The following ABCF2 variants were observed in gnomAD, a reference collection of about 807,000 sequenced individuals.
The protein encoded by ABCF2 is ATP-binding cassette sub-family F member 2.
Under a neutral mutation model 76.9 loss-of-function variants are expected in ABCF2, and 37 were observed. That is an observed-to-expected ratio of 0.48 (90% CI 0.37 to 0.63). The LOEUF (loss-of-function observed/expected upper bound fraction) is 0.63. Among genes scored for constraint, ABCF2 ranks in the 30% least tolerant of loss-of-function variants. ABCF2 has a pLI of 0.00. For missense variants in ABCF2, 524 were observed against 782.1 expected (o/e 0.67, Z 3.94); for synonymous variants, 299 against 283.7 (o/e 1.05, Z -0.54).
At position 151,218,655 on chromosome 7, in the gene ABCF2, G is replaced by A. The variant is rs776033270; in HGVS notation, c.1138-5C>T. On this transcript the variant is annotated splice_region_variant and splice_polypyrimidine_tract_variant and intron_variant, in intron 9 of 14. Transcript: ENST00000287844. The stretch of plus-strand genomic sequence containing the variant: ...TGGGAAATAAAATGACAGTGTCTAG[G>A]AAGAAAAGAGGGCATTTATCAAGTT... 6.2e-7 allele frequency: 1 copy of A among 1,613,972 alleles called. No individual in the cohort carries two copies. The highest frequency in any genetic ancestry group is 2.2e-5 in the East Asian group (1 of 44,862).
chr7:151,211,653 A>C lies in ABCF2; in HGVS notation c.*2401T>G. On this transcript the variant is annotated 3_prime_UTR_variant, in exon 15 of 15. Coordinates refer to ENST00000287844, the MANE Select transcript of ABCF2 (RefSeq NM_007189.3). ...AGATCCCGAGACTACCTGAATTCTT[A>C]GCAATATCCAGCACTTCCTTAAGTA... 5 of 985,348 alleles carry C rather than the reference A, an allele frequency of 5.1e-6. No homozygotes were observed. The highest frequency in any genetic ancestry group is 6.0e-6 in the Non-Finnish European group (5 of 829,942). The allele number at this position is 985,348 out of a possible 1,614,324, so 61.0% of individuals were successfully genotyped here.
chr7:151,221,563 C>G lies in ABCF2; in HGVS notation c.921+15G>C, dbSNP rs760957417. 1 of 1,483,858 alleles carries G rather than the reference C, an allele frequency of 6.7e-7. No homozygotes were observed. Among genetic ancestry groups the G allele is most frequent in the East Asian group, 2.3e-5 (1 of 44,094 alleles). 91.9% of individuals were successfully genotyped at this position (1,483,858 alleles called of 1,614,324 possible). A position where few individuals can be genotyped will look rare whatever the true frequency, so the allele number is the denominator to read the frequency against. ...TATGCACAGAGATTACCAGAAGAAG[C>G]CGAGGCCCACTCACCGTATAATACT... On this transcript the variant is annotated intron_variant, in intron 7 of 14. Transcript: ENST00000287844.
Position 151,223,266 on chromosome 7 carries a change from C to T in ABCF2, c.722+412G>A, listed in dbSNP as rs554840290. ...GGGGGAATGCTGGTCTATGGAAACT[C>T]ACTTTGAGTCCAGGCCACAAGAGAA... On this transcript the variant is annotated intron_variant, in intron 5 of 14. Transcript: ENST00000287844. 2.0e-5 allele frequency among the ~76,000 whole-genome samples: 3 copies of T among 152,282 alleles called. No homozygotes were observed. In the East Asian group the frequency reaches 5.8e-4, roughly 29 times the overall value.
At position 151,215,075 on chromosome 7, in the gene ABCF2, G is replaced by C; in HGVS notation, c.1538C>G (p.Pro513Arg). The C allele has an allele frequency of 1.2e-6, 2 of 1,613,038 alleles. No individual in the cohort carries two copies. Among genetic ancestry groups the C allele is most frequent in the Non-Finnish European group, 1.7e-6 (2 of 1,179,508 alleles). Residue 513 changes from proline (P) to arginine (R), a missense_variant, in exon 14 of 15, where the codon CCA becomes CGA. By Grantham distance (103) the Pro-to-Arg change is moderately radical. Transcript: ENST00000287844. This position sits in a 1 kb window ranked among gnomAD's most constrained non-coding sequence, Gnocchi z 4.6. ...YGLTGKQQVS[P>R]IRNLSDGQKC... Reference sequence around the variant, plus strand: ...CTGCCCGTCTGACAAGTTCCGGATTGGGCTCACCTGAGTAGAACCGTGACC... The same window carrying C: ...CTGCCCGTCTGACAAGTTCCGGATTCGGCTCACCTGAGTAGAACCGTGACC...
At position 151,213,178 on chromosome 7, in the gene ABCF2, A is replaced by G. The variant is rs1289702251; in HGVS notation, c.*876T>C. ...CAAAATAGTCTCTAGACCAGCAACA[A>G]CAGCATCACCTGGAAACTTGCTAGA... is the stretch of plus-strand genomic sequence containing the variant. On this transcript the variant is annotated 3_prime_UTR_variant, in exon 15 of 15. Coordinates refer to ENST00000287844, the MANE Select transcript of ABCF2 (RefSeq NM_007189.3). The G allele has an allele frequency of 4.1e-6, 4 of 984,362 alleles. No homozygotes were observed. The highest frequency in any genetic ancestry group is 4.7e-5 in the South Asian group (1 of 21,258). The allele number at this position is 984,362 out of a possible 1,614,324, so 61.0% of individuals were successfully genotyped here.
chr7:151,222,646 C>T lies in ABCF2; in HGVS notation c.723-30G>A, dbSNP rs373257647. The stretch of plus-strand genomic sequence containing the variant: ...AGGACGGTAAAGGAGACAGAAGCAC[C>T]TCAGAATTATAATGGATGTGACACA... On this transcript the variant is annotated intron_variant, in intron 5 of 14. Transcript: ENST00000287844. The T allele has an allele frequency of 3.2e-5, 50 of 1,578,184 alleles. No individual in the cohort carries two copies. The East Asian group carries it at 7.2e-4, about 23-fold the overall frequency.
Position 151,213,937 on chromosome 7 carries a change from G to A in ABCF2, c.*117C>T, listed in dbSNP as rs934008565. On this transcript the variant is annotated 3_prime_UTR_variant, in exon 15 of 15. Transcript: ENST00000287844. ...GTTGAGGGGCAGGGGAGAGGCTGGG[G>A]GAGCAGTATTGCAGCAATGCAGGAG... is the stretch of plus-strand genomic sequence containing the variant. 30 of 1,511,590 alleles carry A rather than the reference G, an allele frequency of 2.0e-5. No homozygotes were observed. Among genetic ancestry groups the A allele is most frequent in the African/African-American group, 2.8e-5 (2 of 71,688 alleles). 93.6% of individuals were successfully genotyped at this position (1,511,590 alleles called of 1,614,324 possible).
In ABCF2 at chr7:151,212,602, G is replaced by A. The variant is rs1466926097; in HGVS notation, c.*1452C>T. The A allele has an allele frequency of 1.7e-6, 1 of 574,788 alleles. No individual in the cohort carries two copies. The highest frequency in any genetic ancestry group is 2.2e-6 in the Non-Finnish European group (1 of 455,540). The allele number at this position is 574,788 out of a possible 1,614,324, so 35.6% of individuals were successfully genotyped here. On this transcript the variant is annotated 3_prime_UTR_variant, in exon 15 of 15. Transcript: ENST00000287844. ...GCCTCAACCTCCTGGGCTCAAGTGA[G>A]CCTCCTCTTATCAGAGCAGCTGGGA...
In ABCF2 at chr7:151,214,054, T is replaced by G; in HGVS notation, c.1872A>C (p.Ter624CysextTer18). The change falls in exon 15 of 15, where the codon TGA (stop) becomes TGC (cysteine). Residue 624 changes from the stop codon to cysteine (C), a stop_lost. Coordinates refer to ENST00000287844, the MANE Select transcript of ABCF2 (RefSeq NM_007189.3). The surrounding 1 kb of genome is among the most constrained non-coding windows in gnomAD (Gnocchi z 4.9). ...PQLTKRTHNV[*>C] ...CCTGACCCGAACCCAGGTAGAGGGCTCACACGTTGTGGGTCCTCTTGGTGA... is the reference window on the plus strand; with the variant it reads ...CCTGACCCGAACCCAGGTAGAGGGCGCACACGTTGTGGGTCCTCTTGGTGA... 6.2e-7 allele frequency: 1 copy of G among 1,613,578 alleles called. No homozygotes were observed. Among genetic ancestry groups the G allele is most frequent in the Non-Finnish European group, 8.5e-7 (1 of 1,179,916 alleles).
intron 11 of ABCF2, among the ~76,000 whole-genome samples, chr7:151,216,348 A>G (rs1370603939): frequency 1.3e-5 from 2 of 152,206 alleles, no homozygotes; most frequent in African/African-American, 2.4e-5. Flanking sequence ...TAAGTCCTCA[A>G]AGTTGTCACT....
intron 5 of ABCF2, 106 bp downstream of exon 5, chr7:151,223,572 T>C: frequency 7.6e-7 from 1 of 1,318,150 alleles, no homozygotes; most frequent in Non-Finnish European, 1.0e-6. Context: ...CATGTCTCAT[T>C]TGACACTTAC....
chr7:151,221,625 A>G lies in ABCF2; in HGVS notation c.874T>C (p.Cys292Arg). The change falls in exon 7 of 15, where the codon TGT becomes CGT. Residue 292 changes from cysteine (C) to arginine (R), a missense_variant. Physicochemically the swap from Cys to Arg is radical, Grantham distance 180. This residue lies in a region of ABCF2 where 330 missense variants were observed against 433.6 expected (regional missense o/e 0.76). Transcript: ENST00000287844. ...TTGTGCATGTGAATGATATTGGTACAGACACCATTCAGAAAATCCTGGGAA... is the reference window on the plus strand; with the variant it reads ...TTGTGCATGTGAATGATATTGGTACGGACACCATTCAGAAAATCCTGGGAA... Reference protein sequence around the residue: ...SHSQDFLNGVCTNIIHMHNKK... With the variant: ...SHSQDFLNGVRTNIIHMHNKK... 6.2e-7 allele frequency: 1 copy of G among 1,612,874 alleles called. No homozygotes were observed. The highest frequency in any genetic ancestry group is 8.5e-7 in the Non-Finnish European group (1 of 1,178,914).
At chr7:151,226,236 T>C (rs1584848095) in intron 2 of ABCF2, 69 bp downstream of exon 2, 1 of 1,531,482 alleles carries the variant, frequency 6.5e-7, no homozygotes, top group East Asian at 2.3e-5. Context: ...AGCATCAAGA[T>C]TCCAACTCTG....
chr7:151,223,564 T>C, intron 5 of ABCF2, 114 bp downstream of exon 5: 3 of 1,219,908 alleles, frequency 2.5e-6, no homozygotes, highest in East Asian at 2.4e-5. Context: ...CAGATGTCCA[T>C]GTCTCATTTG....
At chr7:151,222,477 C>G in intron 6 of ABCF2, 44 bp downstream of exon 6, 1 of 1,516,908 alleles carries the variant, frequency 6.6e-7, no homozygotes, top group Non-Finnish European at 9.1e-7. Flanking sequence ...CTAGATTCCC[C>G]CTTTGGGACC....
chr7:151,214,239 C>A lies in ABCF2; in HGVS notation c.1735-48G>T. 1.2e-6 allele frequency: 2 copies of A among 1,613,834 alleles called. No homozygotes were observed. The highest frequency in any genetic ancestry group is 1.7e-6 in the Non-Finnish European group (2 of 1,179,884). ...AATCCTGGGCTAGTCACTGTCCCTG[C>A]CTCTGCCCAGCAGACTGTCCTGAGG... On this transcript the variant is annotated intron_variant, in intron 14 of 14. Transcript: ENST00000287844. The surrounding 1 kb of genome is among the most constrained non-coding windows in gnomAD (Gnocchi z 4.9).
Position 151,214,983 on chromosome 7 carries a change from T to C in ABCF2, c.1630A>G (p.Thr544Ala). ...ATGGTCTCGATATCCAGGTGATTGGTGGGTTCATCCAGGAAGAGCATGTGG... is the reference window on the plus strand; with the variant it reads ...ATGGTCTCGATATCCAGGTGATTGGCGGGTTCATCCAGGAAGAGCATGTGG... ...NPHMLFLDEPTNHLDIETIDA... is the reference protein window; with the variant it reads ...NPHMLFLDEPANHLDIETIDA... Residue 544 changes from threonine (T) to alanine (A), a missense_variant, in exon 14 of 15, where the codon ACC becomes GCC. Transcript: ENST00000287844. This position sits in a 1 kb window ranked among gnomAD's most constrained non-coding sequence, Gnocchi z 4.9. 2 of 1,614,170 alleles carry C rather than the reference T, an allele frequency of 1.2e-6. No homozygotes were observed. The highest frequency in any genetic ancestry group is 1.7e-6 in the Non-Finnish European group (2 of 1,180,030).
At chr7:151,222,438 C>T (rs1802287471) in intron 6 of ABCF2, 83 bp downstream of exon 6, 7 of 1,141,954 alleles carry the variant, frequency 6.1e-6, no homozygotes, top group Non-Finnish European at 7.9e-6. Flanking sequence ...ACCGCTCTAA[C>T]ATCAGTGCAG....
At position 151,224,960 on chromosome 7, in the gene ABCF2, C is replaced by A. The variant is rs1253891179; in HGVS notation, c.183G>T (p.Glu61Asp). 6.2e-7 allele frequency: 1 copy of A among 1,614,198 alleles called. No individual in the cohort carries two copies. Residue 61 changes from glutamate (E) to aspartate (D), a missense_variant, in exon 3 of 15, where the codon GAG (glutamate) becomes GAT (aspartate). Physicochemically the swap from Glu to Asp is conservative, Grantham distance 45. This residue lies in a region of ABCF2 where 330 missense variants were observed against 433.6 expected (regional missense o/e 0.76). Transcript: ENST00000287844. ...CAGCAGCTTTCTTCATCTCAAAGTC[C>A]TCTAGCTCCTTGGTCAGCAAATCTA... ...TEVDLLTKEL[E>D]DFEMKKAAAR...
Sources: allele counts gnomAD v4.1 joint callset (sites outside exome capture counted in the v4.1 genomes callset), GRCh38; gene constraint gnomAD v4.1.1; regional missense constraint gnomAD v4.1.1; non-coding constraint Gnocchi (gnomAD v3.1); transcripts MANE v1.5; gene names NCBI Gene and HGNC (gene_info 2026-07-23, HGNC 2026-07-21).